Variants in SUMF1 observed in about 807,000 individuals in gnomAD.
The protein encoded by SUMF1 is sulfatase modifying factor 1.
SUMF1 carries 48 observed loss-of-function variants against 47.6 expected under a neutral mutation model. That is an observed-to-expected ratio of 1.01 (90% CI 0.80 to 1.28). The LOEUF (loss-of-function observed/expected upper bound fraction) is 1.28. Ranked by LOEUF, SUMF1 falls within the 50% of genes most tolerant of loss-of-function variation. The pLI is 0.00. For missense variants in SUMF1, 571 were observed against 485.4 expected, an observed-to-expected ratio of 1.18 and a Z score of -1.66; for synonymous variants, 230 against 192.1, an observed-to-expected ratio of 1.20 and a Z score of -1.63.
rs950981008 is a variant in SUMF1 at position 4,151,516 on chromosome 3, C to T, written c.1015-82771G>A. Among the ~76,000 whole-genome samples, 6 of 131,246 alleles carry T rather than the reference C, an allele frequency of 4.6e-5. 1 individual carries two copies. Among genetic ancestry groups the T allele is most frequent in the South Asian group, 2.4e-4 (1 of 4,220 alleles). The allele number at this position is 131,246 out of a possible 152,430, so 86.1% of individuals were successfully genotyped here. On this transcript the variant is annotated intron_variant and NMD_transcript_variant, in intron 8 of 12. Coordinates refer to the SUMF1 transcript ENST00000448413. ...ATACGTATATATGTGTATATGTATA[C>T]GTATATATGTATATATGTGTATATA...
At chr3:4,133,833 G>A (rs1693851285) in intron 8 of SUMF1, among the ~76,000 whole-genome samples, 2 of 151,900 alleles carry the variant, frequency 1.3e-5, no homozygotes. Flanking sequence ...TATTAGTTCT[G>A]TCCCTCTAGA....
At chr3:4,302,047 T>C (rs538820834) in intron 8 of SUMF1, among the ~76,000 whole-genome samples, 2 of 152,164 alleles carry the variant, frequency 1.3e-5, no homozygotes, top group South Asian at 4.1e-4. Context: ...GTCTGCAAGA[T>C]GGAAACACAT....
At chr3:4,354,833 A>C (rs1270616781) in intron 8 of SUMF1, among the ~76,000 whole-genome samples, 1 of 152,202 alleles carries the variant, frequency 6.6e-6, no homozygotes, top group Non-Finnish European at 1.5e-5. Context: ...CACTTATCCC[A>C]GTATCTGGGA....
At chr3:4,146,410 G>A (rs1694194366) in intron 8 of SUMF1, among the ~76,000 whole-genome samples, 1 of 151,960 alleles carries the variant, frequency 6.6e-6, no homozygotes, top group Non-Finnish European at 1.5e-5. Context: ...AGGCGAGGGG[G>A]GGAAAGGTGA....
At chr3:4,222,659 TA>T (rs1295534863) in intron 8 of SUMF1, among the ~76,000 whole-genome samples, 1 of 152,100 alleles carries the variant, frequency 6.6e-6, no homozygotes, top group Non-Finnish European at 1.5e-5. Flanking sequence ...AGCTCATTTC[TA>T]AACTGAGAGT....
intron 3 of SUMF1, among the ~76,000 whole-genome samples, chr3:4,423,864 C>A (rs974249158): frequency 6.6e-6 from 1 of 152,208 alleles, no homozygotes; most frequent in African/African-American, 2.4e-5. Context: ...CCTCCCTCCA[C>A]CTCACTCTCT....
At chr3:4,287,063 A>T (rs1697646988) in intron 8 of SUMF1, among the ~76,000 whole-genome samples, 1 of 152,140 alleles carries the variant, frequency 6.6e-6, no homozygotes. Context: ...TCACAAGTGT[A>T]TGTGTTTTCC....
At chr3:4,442,756 A>T (rs1289356993) in intron 3 of SUMF1, among the ~76,000 whole-genome samples, 2 of 151,738 alleles carry the variant, frequency 1.3e-5, no homozygotes, top group East Asian at 3.9e-4. Flanking sequence ...AACAACTAAG[A>T]GGGAGTTCAG....
At chr3:4,102,108 C>A (rs1434471362) in intron 8 of SUMF1, among the ~76,000 whole-genome samples, 2 of 152,148 alleles carry the variant, frequency 1.3e-5, no homozygotes, top group African/African-American at 2.4e-5. Flanking sequence ...GTCCATCCCA[C>A]GATATGTGGA....
chr3:4,265,927 C>T (rs889869934), intron 8 of SUMF1, among the ~76,000 whole-genome samples: 2 of 152,116 alleles, frequency 1.3e-5, no homozygotes, highest in Admixed American at 6.5e-5. Flanking sequence ...GGAAGGGATC[C>T]AGTTTCAGCT....
intron 8 of SUMF1, chr3:4,314,426 T>G (rs1698553562): frequency 6.6e-6 from 1 of 152,500 alleles, no homozygotes; most frequent in Non-Finnish European, 1.5e-5. Context: ...CTTAATTGTT[T>G]CTAAGCATGG....
intron 7 of SUMF1, among the ~76,000 whole-genome samples, chr3:4,402,231 A>AAAAGGCTGG (rs1403002592): frequency 6.6e-6 from 1 of 152,138 alleles, no homozygotes; most frequent in East Asian, 1.9e-4. Context: ...TGAATTCCTC[A>AAAAGGCTGG]AAAGGCTGGA....
intron 5 of SUMF1, among the ~76,000 whole-genome samples, 182 bp downstream of exon 5, chr3:4,417,828 G>C (rs1459738606): frequency 6.6e-6 from 1 of 152,154 alleles, no homozygotes; most frequent in Non-Finnish European, 1.5e-5. Flanking sequence ...TTGGTTTAGG[G>C]GTGATAAAAG....
rs35412119 is a variant in SUMF1, at chr3:4,442,422, A to ATT, written c.519+6842_519+6843dup. 2.5e-3 allele frequency among the ~76,000 whole-genome samples: 377 copies of ATT among 148,994 alleles called. 1 individual carries two copies. The highest frequency in any genetic ancestry group is 7.2e-3 in the African/African-American group (291 of 40,402). On this transcript the variant is annotated intron_variant, in intron 3 of 8. Coordinates refer to ENST00000272902, the MANE Select transcript of SUMF1 (RefSeq NM_182760.4). ...AGGCGCCCAACACCACGCCCGGCTA[A>ATT]TTTTTTTTTTGTATTTTTAGTAGAG...
chr3:4,372,377 A>G (rs1700195779), intron 8 of SUMF1, among the ~76,000 whole-genome samples: 2 of 152,140 alleles, frequency 1.3e-5, no homozygotes, highest in South Asian at 4.1e-4. Context: ...TAAAAAAGAA[A>G]ATTTTTTAAA....
chr3:4,456,860 A>ACG (rs2079646211), intron 1 of SUMF1, among the ~76,000 whole-genome samples: 1 of 75,136 alleles, frequency 1.3e-5, no homozygotes, highest in African/African-American at 5.4e-5. Flanking sequence ...GTGTATATAT[A>ACG]TGTGTGTGTA....
At chr3:4,373,255 C>T (rs749795902) in intron 8 of SUMF1, among the ~76,000 whole-genome samples, 3 of 151,920 alleles carry the variant, frequency 2.0e-5, no homozygotes, top group Non-Finnish European at 4.4e-5. Flanking sequence ...ATCAAGATGG[C>T]ACATTTCAAC....
chr3:4,325,617 A>G (rs1017246303), intron 8 of SUMF1, among the ~76,000 whole-genome samples: 14 of 151,978 alleles, frequency 9.2e-5, no homozygotes, highest in Admixed American at 7.9e-4. Flanking sequence ...GTACACACAC[A>G]CACACACACA....
In SUMF1 at chr3:4,241,993, G is replaced by A. The variant is rs374137831; in HGVS notation, c.1014+134337C>T. ...CCACTTGGCTGGCACCATGTAGTCC[G>A]TTCCCTACTGCACACGTGCTTGGAA... is the stretch of plus-strand genomic sequence containing the variant. On this transcript the variant is annotated intron_variant and NMD_transcript_variant, in intron 8 of 12. Coordinates refer to the SUMF1 transcript ENST00000448413. 4.6e-5 allele frequency among the ~76,000 whole-genome samples: 7 copies of A among 152,208 alleles called. No individual in the cohort carries two copies. In the South Asian group the frequency reaches 1.0e-3, roughly 23 times the overall value.
Sources: allele counts gnomAD v4.1 joint callset (sites outside exome capture counted in the v4.1 genomes callset), GRCh38; gene constraint gnomAD v4.1.1; transcripts MANE v1.5; gene names NCBI Gene and HGNC (gene_info 2026-07-23, HGNC 2026-07-21).